Variants in LRBA observed in about 807,000 individuals in gnomAD.
LRBA encodes the protein LPS responsive beige-like anchor protein.
Under a neutral mutation model 330.0 loss-of-function variants are expected in LRBA, and 176 were observed. That is an observed-to-expected ratio of 0.53 (90% CI 0.47 to 0.60). The LOEUF is 0.60. Among genes scored for constraint, LRBA ranks in the 20% least tolerant of loss-of-function variants. The pLI is 0.00. For synonymous variants in LRBA, 1,230 were observed against 1,193.0 expected (o/e 1.03, Z -0.64); for missense variants, 3,259 against 3,444.8 (o/e 0.95, Z 1.35).
intron 5 of LRBA, among the ~76,000 whole-genome samples, chr4:150,917,106 C>T (rs1265033867): frequency 6.6e-6 from 1 of 151,644 alleles, no homozygotes; most frequent in East Asian, 1.9e-4. Context: ...TGAGCCGAGA[C>T]CACACCACTG....
At chr4:150,424,918 G>A (rs986352486) in intron 46 of LRBA, among the ~76,000 whole-genome samples, 2 of 152,140 alleles carry the variant, frequency 1.3e-5, no homozygotes, top group African/African-American at 2.4e-5. Context: ...TGAATAAGTC[G>A]GTGATGAGAG....
intron 36 of LRBA, among the ~76,000 whole-genome samples, chr4:150,711,427 G>C (rs1489726329): frequency 6.6e-6 from 1 of 151,632 alleles, no homozygotes; most frequent in Non-Finnish European, 1.5e-5. Context: ...TAGTAGAGAA[G>C]GGGTTTCACC....
intron 2 of LRBA, among the ~76,000 whole-genome samples, chr4:150,959,389 C>A (rs914278363): frequency 7.4e-5 from 11 of 149,078 alleles, no homozygotes; most frequent in African/African-American, 2.6e-5. Flanking sequence ...CACAGCCAAG[C>A]CATTATGATA....
intron 34 of LRBA, among the ~76,000 whole-genome samples, chr4:150,770,952 C>T (rs542890478): frequency 7.1e-4 from 108 of 152,268 alleles, no homozygotes; most frequent in South Asian, 1.5e-3. Flanking sequence ...TGGTATAGTT[C>T]AATTTCCCCA....
chr4:150,754,521 CA>C (rs755838647), intron 35 of LRBA, among the ~76,000 whole-genome samples: 404 of 86,062 alleles, frequency 4.7e-3, no homozygotes, highest in African/African-American at 0.02. Flanking sequence ...CCTGTCTCAC[CA>C]AAAAAAAAAA....
chr4:150,598,861 A>C, intron 38 of LRBA, 146 bp downstream of exon 38: 1 of 866,216 alleles, frequency 1.2e-6, no homozygotes, highest in Middle Eastern at 2.7e-4. Context: ...AGTAACTATA[A>C]AAAAATTTAA....
intron 56 of LRBA, among the ~76,000 whole-genome samples, chr4:150,271,840 A>C (rs1357902148): frequency 1.3e-5 from 2 of 152,160 alleles, no homozygotes; most frequent in Non-Finnish European, 2.9e-5. Flanking sequence ...CATCTCTGAA[A>C]AAAAAGGCAG....
At chr4:150,883,021 C>T (rs979705586) in intron 17 of LRBA, among the ~76,000 whole-genome samples, 1 of 152,176 alleles carries the variant, frequency 6.6e-6, no homozygotes, top group African/African-American at 2.4e-5. Context: ...CACAGTTTGG[C>T]ATGCCTATAT....
At chr4:150,549,925 G>A (rs748890117) in intron 40 of LRBA, among the ~76,000 whole-genome samples, 13 of 152,272 alleles carry the variant, frequency 8.5e-5, no homozygotes, top group Non-Finnish European at 1.9e-4. Context: ...AAGAAGATGA[G>A]GGAACTACGA....
At position 150,361,170 on chromosome 4, in the gene LRBA, A is replaced by T. The variant is rs559054424; in HGVS notation, c.7195-11011T>A. Among the ~76,000 whole-genome samples the T allele has an allele frequency of 2.0e-5, 3 of 152,208 alleles. No homozygotes were observed. The East Asian group carries it at 5.8e-4, about 29-fold the overall frequency. On this transcript the variant is annotated intron_variant, in intron 47 of 56. Coordinates refer to ENST00000651943, the MANE Select transcript of LRBA (RefSeq NM_001364905.1). ...AGTAGCAGATAACGAGTCTCTGTCT[A>T]CTCCTAGAGATTTTTTAACATCTAC...
chr4:150,346,770 A>AC lies in LRBA; in HGVS notation c.7362+3221_7362+3222insG, dbSNP rs1411187035. On this transcript the variant is annotated intron_variant, in intron 48 of 56. Coordinates refer to ENST00000651943, the MANE Select transcript of LRBA (RefSeq NM_001364905.1). ...GAGACTCTGTCTCAAAAAAAAAAAA[A>AC]AAAAAAAAAAAAAAAAACACTTATT... 3.1e-4 allele frequency among the ~76,000 whole-genome samples: 47 copies of AC among 150,252 alleles called. 1 individual carries two copies. The highest frequency in any genetic ancestry group is 1.1e-3 in the African/African-American group (45 of 40,752).
chr4:150,371,161 G>C (rs747055635), intron 47 of LRBA, among the ~76,000 whole-genome samples: 6 of 146,064 alleles, frequency 4.1e-5, no homozygotes, highest in Non-Finnish European at 7.4e-5. Context: ...AGGTTGAAAA[G>C]CATGAGCTGC....
intron 53 of LRBA, among the ~76,000 whole-genome samples, chr4:150,298,181 C>CA (rs1243312884): frequency 1.3e-5 from 2 of 151,918 alleles, no homozygotes; most frequent in African/African-American, 2.4e-5. Flanking sequence ...CTAGGCTTCA[C>CA]AATAAAAAGG....
intron 3 of LRBA, 40 bp from the exon 4 acceptor site, chr4:150,928,656 A>G: frequency 6.7e-7 from 1 of 1,499,678 alleles, no homozygotes; most frequent in South Asian, 1.1e-5. Context: ...TCAGCTAGTT[A>G]TATTTCTCGA....
intron 2 of LRBA, among the ~76,000 whole-genome samples, chr4:151,003,673 T>C (rs1219695348): frequency 1.3e-5 from 2 of 151,822 alleles, no homozygotes; most frequent in East Asian, 3.9e-4. Context: ...TGTACCATAG[T>C]CCCAGCTACT....
intron 2 of LRBA, among the ~76,000 whole-genome samples, chr4:150,934,175 G>A (rs76087649): frequency 0.022 from 3,359 of 152,184 alleles, 108 homozygotes; most frequent in African/African-American, 0.077. Flanking sequence ...AAATAATTCA[G>A]CACAATATAA....
At chr4:150,626,653 A>G (rs1776890431) in intron 37 of LRBA, among the ~76,000 whole-genome samples, 1 of 152,156 alleles carries the variant, frequency 6.6e-6, no homozygotes. Context: ...ATGGCACTAG[A>G]CTTTAGAAAT....
Position 150,321,177 on chromosome 4 carries a change from AT to A in LRBA, c.7630+13del, listed in dbSNP as rs1193035967. 3 of 1,603,158 alleles carry A rather than the reference AT, an allele frequency of 1.9e-6. No homozygotes were observed. Among genetic ancestry groups the A allele is most frequent in the Non-Finnish European group, 2.6e-6 (3 of 1,175,524 alleles). ...AGCAGTTACCATGCCTTATAATGGT[AT>A]TTCTTTACTTACCAGGAAGGTTGTG... On this transcript the variant is annotated intron_variant, in intron 50 of 56. Transcript: ENST00000651943. This position sits in a 1 kb window ranked among gnomAD's most constrained non-coding sequence, Gnocchi z 4.5.
At chr4:150,467,979 A>C (rs1299022472) in intron 43 of LRBA, among the ~76,000 whole-genome samples, 194 bp from the exon 44 acceptor site, 1 of 151,996 alleles carries the variant, frequency 6.6e-6, no homozygotes, top group Non-Finnish European at 1.5e-5. Flanking sequence ...CAGATGAAAA[A>C]ATTGAGTCAC....
Sources: allele counts gnomAD v4.1 joint callset (sites outside exome capture counted in the v4.1 genomes callset), GRCh38; gene constraint gnomAD v4.1.1; non-coding constraint Gnocchi (gnomAD v3.1); transcripts MANE v1.5; gene names NCBI Gene and HGNC (gene_info 2026-07-23, HGNC 2026-07-21).